The following ESR1 variants were observed in gnomAD, a reference collection of about 807,000 sequenced individuals.
ESR1 encodes estrogen receptor 1.
A neutral mutation model predicts 52.7 loss-of-function variants in ESR1; 12 were observed. The observed-to-expected ratio is 0.23, with a 90% CI of 0.15 to 0.37. The LOEUF (loss-of-function observed/expected upper bound fraction) is 0.37, where lower values mean the gene tolerates loss of function less well. ESR1 is among the 10% of genes least tolerant of loss of function. The pLI is 1.00. For synonymous variants in ESR1, 305 were observed against 316.8 expected (o/e 0.96, Z 0.39); for missense variants, 584 against 779.7 (o/e 0.75, Z 2.99).
intron 2 of ESR1, among the ~76,000 whole-genome samples, chr6:151,871,032 G>T (rs941130933): frequency 6.6e-6 from 1 of 151,792 alleles, no homozygotes; most frequent in Admixed American, 6.6e-5. Flanking sequence ...AAAAACTTTT[G>T]TAGAGCTGGG....
chr6:152,060,091 C>A (rs1000504852), intron 5 of ESR1, among the ~76,000 whole-genome samples: 3 of 152,028 alleles, frequency 2.0e-5, no homozygotes, highest in Non-Finnish European at 4.4e-5. Flanking sequence ...TAAATGAATT[C>A]CTTTCGTGTG....
At chr6:151,801,832 A>G (rs895711651), upstream of ESR1, among the ~76,000 whole-genome samples, 4 of 152,236 alleles carry the variant, frequency 2.6e-5, no homozygotes. Flanking sequence ...CCGTCCTTTG[A>G]TGCCTAGTAA....
intron 1 of ESR1, among the ~76,000 whole-genome samples, chr6:151,668,637 A>G (rs1226215152): frequency 6.6e-6 from 1 of 152,086 alleles, no homozygotes; most frequent in African/African-American, 2.4e-5. Flanking sequence ...TCATGAGGGA[A>G]GGGCCCTCAT....
At chr6:151,843,012 T>C (rs968431180) in intron 2 of ESR1, among the ~76,000 whole-genome samples, 1 of 152,194 alleles carries the variant, frequency 6.6e-6, no homozygotes, top group African/African-American at 2.4e-5. Context: ...GCTTCCTTCC[T>C]TTGGCAAGAC....
At chr6:152,116,643 G>A (rs556276486) in intron 6 of ESR1, among the ~76,000 whole-genome samples, 140 of 151,948 alleles carry the variant, frequency 9.2e-4, no homozygotes, top group African/African-American at 3.2e-3. Context: ...CATACACAGC[G>A]AGAAAGAAAT....
rs115561491 is a variant in ESR1 at position 151,704,227 on chromosome 6, G to A, written c.-71+2222G>A. Among the ~76,000 whole-genome samples the A allele has an allele frequency of 7.1e-3, 1,084 of 152,148 alleles. 12 individuals are homozygous for A. Among genetic ancestry groups the A allele is most frequent in the African/African-American group, 0.024 (1,015 of 41,524 alleles). The stretch of plus-strand genomic sequence containing the variant: ...GAAACAACACTCAAGTTACAAAGTC[G>A]ATTCTTTTTTTGTTTTGTTTTATTT... On this transcript the variant is annotated intron_variant, in intron 2 of 2. Coordinates refer to the ESR1 transcript ENST00000404742.
chr6:151,750,949 G>A (rs566536078), intron 2 of ESR1, among the ~76,000 whole-genome samples: 2 of 152,308 alleles, frequency 1.3e-5, no homozygotes, highest in African/African-American at 2.4e-5. Flanking sequence ...AAAAAATGGC[G>A]TTTATGCAAA....
At chr6:151,780,160 G>A (rs1287265851) in intron 2 of ESR1, among the ~76,000 whole-genome samples, 1 of 151,786 alleles carries the variant, frequency 6.6e-6, no homozygotes, top group African/African-American at 2.4e-5. Context: ...TCTATAATGA[G>A]AACATATTTG....
At chr6:151,852,441 CTTA>C (rs1786940958) in intron 2 of ESR1, among the ~76,000 whole-genome samples, 1 of 152,068 alleles carries the variant, frequency 6.6e-6, no homozygotes, top group African/African-American at 2.4e-5. Flanking sequence ...AAGAAACACT[CTTA>C]TTATAAAAAG....
At chr6:151,966,009 C>CT (rs1280306165) in intron 4 of ESR1, among the ~76,000 whole-genome samples, 267 of 135,446 alleles carry the variant, frequency 2.0e-3, no homozygotes, top group Non-Finnish European at 3.5e-3. Context: ...TCAGCAGTTG[C>CT]TTTGCTGTGC....
At chr6:152,084,367 C>T (rs1431221437) in intron 6 of ESR1, among the ~76,000 whole-genome samples, 2 of 151,658 alleles carry the variant, frequency 1.3e-5, no homozygotes, top group Non-Finnish European at 2.9e-5. Flanking sequence ...CACATGTATA[C>T]CTATGTAACA....
intron 2 of ESR1, among the ~76,000 whole-genome samples, chr6:151,861,414 T>C (rs1788866596): frequency 6.6e-6 from 1 of 152,224 alleles, no homozygotes; most frequent in Non-Finnish European, 1.5e-5. Flanking sequence ...AAATATATTC[T>C]GTTAAATAAA....
rs1401560093 is a variant in ESR1 at position 152,090,100 on chromosome 6, T to C, written c.1370-4285T>C. 2.0e-5 allele frequency among the ~76,000 whole-genome samples: 3 copies of C among 152,180 alleles called. No individual in the cohort carries two copies. The East Asian group carries it at 5.8e-4, about 29-fold the overall frequency. ...AAGAACCACAATCATAGGAGAAGCA[T>C]ACAACAAACATGGTGTTCATCGGAC... On this transcript the variant is annotated intron_variant, in intron 6 of 7. Coordinates refer to ENST00000206249, the MANE Select transcript of ESR1 (RefSeq NM_000125.4).
At chr6:152,048,197 C>T (rs542883575) in intron 5 of ESR1, among the ~76,000 whole-genome samples, 1 of 151,530 alleles carries the variant, frequency 6.6e-6, no homozygotes, top group African/African-American at 2.4e-5. Context: ...GGTGAAACCC[C>T]GTCTCTATTA....
At chr6:151,994,387 A>G (rs758014494) in intron 4 of ESR1, among the ~76,000 whole-genome samples, 19 of 152,178 alleles carry the variant, frequency 1.2e-4, no homozygotes, top group Non-Finnish European at 1.8e-4. Flanking sequence ...AATAAGCTCT[A>G]CTAAATTTGC....
chr6:152,093,351 TC>T (rs1335715845), intron 6 of ESR1, among the ~76,000 whole-genome samples: 4 of 89,262 alleles, frequency 4.5e-5, no homozygotes, highest in Non-Finnish European at 7.1e-5. Context: ...TCTCTCTCTC[TC>T]TTTCTCTCTC....
chr6:152,108,822 T>A lies in ESR1; in HGVS notation c.851-16444T>A, dbSNP rs1220825778. Among the ~76,000 whole-genome samples, 8 of 152,208 alleles carry A rather than the reference T, an allele frequency of 5.3e-5. No individual in the cohort carries two copies. The East Asian group carries it at 1.5e-3, about 29-fold the overall frequency. ...AAACTCAGAATTACCACGTTTAGAT[T>A]TGCTTCTCCAAAAATACAGAATGTA... On this transcript the variant is annotated intron_variant, in intron 6 of 6. Coordinates refer to the ESR1 transcript ENST00000427531.
At chr6:151,827,721 C>T (rs1173957757) in intron 1 of ESR1, among the ~76,000 whole-genome samples, 2 of 152,114 alleles carry the variant, frequency 1.3e-5, no homozygotes, top group African/African-American at 2.4e-5. Flanking sequence ...TGTATTGATT[C>T]GCACTTTGAA....
At chr6:151,850,100 A>ATATATACAAAAT (rs1786272742) in intron 2 of ESR1, among the ~76,000 whole-genome samples, 1 of 136,128 alleles carries the variant, frequency 7.3e-6, no homozygotes, top group Non-Finnish European at 1.6e-5. Flanking sequence ...ATAATTTTAT[A>ATATATACAAAAT]TATATATACA....
Sources: gnomAD v4.1 joint callset for allele counts (sites outside exome capture counted in the v4.1 genomes callset) on GRCh38, gnomAD v4.1.1 for gene constraint, MANE v1.5 for transcripts, NCBI Gene and HGNC (gene_info 2026-07-23, HGNC 2026-07-21) for gene names.